The following CTIF variants were observed in gnomAD, a reference collection of about 807,000 sequenced individuals.
The protein encoded by CTIF is CBP80/20-dependent translation initiation factor.
CTIF carries 21 observed loss-of-function variants against 66.0 expected under a neutral mutation model. That is an observed-to-expected ratio of 0.32 (90% CI 0.23 to 0.46). The LOEUF is 0.46. CTIF is among the 20% of genes least tolerant of loss of function. CTIF has a pLI of 1.00. For missense variants in CTIF, 739 were observed against 812.7 expected (o/e 0.91, Z 1.10); for synonymous variants, 345 against 326.4 (o/e 1.06, Z -0.62).
intron 1 of CTIF, among the ~76,000 whole-genome samples, chr18:48,564,567 A>C (rs2089237430): frequency 6.6e-6 from 1 of 152,200 alleles, no homozygotes; most frequent in Non-Finnish European, 1.5e-5. Flanking sequence ...TGGAAAACAG[A>C]AGCTTAGTTC....
intron 9 of CTIF, among the ~76,000 whole-genome samples, chr18:48,791,595 G>GC (rs2067794772): frequency 6.7e-6 from 1 of 149,606 alleles, no homozygotes; most frequent in Admixed American, 6.6e-5. Flanking sequence ...ACAGGAATGT[G>GC]CCTGTGGCTT....
chr18:48,764,399 C>T (rs887035190), intron 9 of CTIF, among the ~76,000 whole-genome samples: 2 of 152,148 alleles, frequency 1.3e-5, no homozygotes, highest in African/African-American at 4.8e-5. Flanking sequence ...GGGTGCGTGC[C>T]GTTACTGCCC....
intron 10 of CTIF, among the ~76,000 whole-genome samples, chr18:48,853,766 G>A (rs781173312): frequency 4.5e-4 from 68 of 152,368 alleles, no homozygotes; most frequent in Middle Eastern, 3.4e-3. Flanking sequence ...GGTGAATGCT[G>A]TAGCTCCTGC....
chr18:48,827,806 C>G (rs1041962867), intron 10 of CTIF, among the ~76,000 whole-genome samples: 1 of 152,164 alleles, frequency 6.6e-6, no homozygotes, highest in Non-Finnish European at 1.5e-5. Flanking sequence ...ACTTCCCACC[C>G]GCTTTGTCCC....
chr18:48,691,657 T>C (rs923559666), intron 6 of CTIF, among the ~76,000 whole-genome samples: 3 of 152,158 alleles, frequency 2.0e-5, no homozygotes, highest in Admixed American at 1.3e-4. Flanking sequence ...ACTCCTTCTC[T>C]TGTGAGTCTG....
In CTIF at chr18:48,721,688, G is replaced by A. The variant is rs60615213; in HGVS notation, c.584+9993G>A. On this transcript the variant is annotated intron_variant, in intron 7 of 11. Transcript: ENST00000256413. Reference sequence around the variant, plus strand: ...GGATGCCATTAGATGCCATGTGATGGCAGATACGAGGGAAGTCCTGACCCT... The same window carrying A: ...GGATGCCATTAGATGCCATGTGATGACAGATACGAGGGAAGTCCTGACCCT... Among the ~76,000 whole-genome samples, 1,022 of 152,316 alleles carry A rather than the reference G, an allele frequency of 6.7e-3. 15 individuals are homozygous for A. The highest frequency in any genetic ancestry group is 0.023 in the African/African-American group (971 of 41,562).
At chr18:48,699,444 G>GGCTGGGGCTGGGGC (rs1555676069) in intron 6 of CTIF, among the ~76,000 whole-genome samples, 1 of 151,644 alleles carries the variant, frequency 6.6e-6, no homozygotes, top group African/African-American at 2.4e-5. Flanking sequence ...CTGGAGCCGG[G>GGCTGGGGCTGGGGC]TGGTGCAGGT....
intron 10 of CTIF, among the ~76,000 whole-genome samples, chr18:48,835,674 G>T (rs2068792554): frequency 6.6e-6 from 1 of 152,176 alleles, no homozygotes; most frequent in Non-Finnish European, 1.5e-5. Context: ...CCCATGAGTG[G>T]CCTTGGGCAC....
At chr18:48,724,369 C>A (rs960010088) in intron 7 of CTIF, among the ~76,000 whole-genome samples, 1 of 152,202 alleles carries the variant, frequency 6.6e-6, no homozygotes, top group South Asian at 2.1e-4. Flanking sequence ...GCTCTGTCCC[C>A]ACCTACCCTC....
At chr18:48,618,087 C>T (rs1218750103) in intron 1 of CTIF, among the ~76,000 whole-genome samples, 2 of 152,244 alleles carry the variant, frequency 1.3e-5, no homozygotes, top group Non-Finnish European at 1.5e-5. Context: ...GGAGAGTCAA[C>T]ATTCATGCTC....
intron 2 of CTIF, among the ~76,000 whole-genome samples, chr18:48,629,083 G>A (rs558643537): frequency 6.6e-6 from 1 of 152,346 alleles, no homozygotes; most frequent in South Asian, 2.1e-4. Context: ...TCAGCCTCAA[G>A]TCTCCCTTCA....
intron 7 of CTIF, among the ~76,000 whole-genome samples, chr18:48,752,400 T>G (rs1026922327): frequency 6.6e-5 from 10 of 152,210 alleles, no homozygotes; most frequent in African/African-American, 2.4e-4. Context: ...GCCTAAGCTT[T>G]GTAGCGATGC....
Position 48,619,683 on chromosome 18 carries a change from C to A in CTIF, c.118C>A (p.Leu40Met), listed in dbSNP as rs1334346250. 1 of 1,608,264 alleles carries A rather than the reference C, an allele frequency of 6.2e-7. No homozygotes were observed. Among genetic ancestry groups the A allele is most frequent in the South Asian group, 1.1e-5 (1 of 89,482 alleles). ...SYVLEYQVQG[L>M]LADKTEGDGE... ...CGTGCTGGAGTACCAGGTGCAGGGGCTGCTGGCTGACAAGACGGAGGGTGA... is the reference window on the plus strand; with the variant it reads ...CGTGCTGGAGTACCAGGTGCAGGGGATGCTGGCTGACAAGACGGAGGGTGA... Residue 40 changes from leucine to methionine, a missense_variant, in exon 2 of 12, where the codon CTG (leucine) becomes ATG (methionine). This residue lies in a region of CTIF where 529 missense variants were observed against 520.3 expected (regional missense o/e 1.02). Transcript: ENST00000256413.
At chr18:48,796,179 T>C (rs535790814) in intron 9 of CTIF, among the ~76,000 whole-genome samples, 1 of 151,792 alleles carries the variant, frequency 6.6e-6, no homozygotes, top group South Asian at 2.1e-4. Context: ...AATTATTTTA[T>C]TTTATTTTAT....
chr18:48,688,129 G>T (rs1050035175), intron 6 of CTIF: 1 of 152,350 alleles, frequency 6.6e-6, no homozygotes, highest in Non-Finnish European at 1.5e-5. Context: ...GTGATAAAGA[G>T]GTAGAAACCT....
At chr18:48,843,684 G>C (rs4939820) in intron 10 of CTIF, among the ~76,000 whole-genome samples, 2 of 152,038 alleles carry the variant, frequency 1.3e-5, no homozygotes, top group African/African-American at 4.8e-5. Flanking sequence ...GACCGTATAT[G>C]ATCCACATCA....
chr18:48,814,311 G>A (rs931197914), intron 9 of CTIF, among the ~76,000 whole-genome samples: 4 of 152,114 alleles, frequency 2.6e-5, no homozygotes, highest in Non-Finnish European at 5.9e-5. Context: ...GAATCAGCTG[G>A]GGAGCTGCCA....
At chr18:48,784,051 T>A (rs1258505731) in intron 9 of CTIF, among the ~76,000 whole-genome samples, 1 of 152,230 alleles carries the variant, frequency 6.6e-6, no homozygotes, top group African/African-American at 2.4e-5. Context: ...GAGCATGTGC[T>A]GTGTTCCAGG....
intron 3 of CTIF, among the ~76,000 whole-genome samples, chr18:48,645,404 G>T (rs777305085): frequency 1.3e-5 from 2 of 151,810 alleles, no homozygotes; most frequent in African/African-American, 4.8e-5. Context: ...AAAACTTTTC[G>T]ACTGTCACTG....
Sources: allele counts gnomAD v4.1 joint callset (sites outside exome capture counted in the v4.1 genomes callset), GRCh38; gene constraint gnomAD v4.1.1; regional missense constraint gnomAD v4.1.1; transcripts MANE v1.5; gene names NCBI Gene and HGNC (gene_info 2026-07-23, HGNC 2026-07-21).